RPTOR: variants seen among roughly 807,000 people sequenced by gnomAD.
The protein encoded by RPTOR is regulatory associated protein of MTOR complex 1.
Under a neutral mutation model 169.9 loss-of-function variants are expected in RPTOR, and 21 were observed. That is an observed-to-expected ratio of 0.12 (90% CI 0.09 to 0.18). The LOEUF (loss-of-function observed/expected upper bound fraction) is 0.18, where lower values mean the gene tolerates loss of function less well. RPTOR is among the 10% of genes least tolerant of loss of function. The pLI is 1.00. For missense variants in RPTOR, 1,133 were observed against 1,855.9 expected, an observed-to-expected ratio of 0.61 and a Z score of 7.16; for synonymous variants, 732 against 753.2, an observed-to-expected ratio of 0.97 and a Z score of 0.46.
At chr17:80,658,211 T>C (rs185045505) in intron 3 of RPTOR, among the ~76,000 whole-genome samples, 20 of 152,368 alleles carry the variant, frequency 1.3e-4, no homozygotes, top group Admixed American at 1.2e-3. Flanking sequence ...CACTTATTAA[T>C]GTTCTTTATT....
chr17:80,672,355 G>A (rs539944623), intron 3 of RPTOR, among the ~76,000 whole-genome samples: 102 of 141,794 alleles, frequency 7.2e-4, no homozygotes, highest in Non-Finnish European at 1.2e-3. Flanking sequence ...TTACTTTGCT[G>A]TGCAAAGGTT....
chr17:80,696,691 C>A (rs866766201), intron 3 of RPTOR, among the ~76,000 whole-genome samples: 1 of 152,202 alleles, frequency 6.6e-6, no homozygotes, highest in African/African-American at 2.4e-5. Flanking sequence ...GCTGGACTTG[C>A]AGCAGGGATG....
chr17:80,854,809 C>T (rs1247663049), intron 11 of RPTOR, among the ~76,000 whole-genome samples: 1 of 152,190 alleles, frequency 6.6e-6, no homozygotes, highest in East Asian at 1.9e-4. Context: ...GGGAGGATCA[C>T]TTGAGTCCAG....
At chr17:80,703,213 G>C (rs959753334) in intron 3 of RPTOR, among the ~76,000 whole-genome samples, 1 of 152,202 alleles carries the variant, frequency 6.6e-6, no homozygotes, top group Non-Finnish European at 1.5e-5. Context: ...CCGAAATCTC[G>C]AGTTTAGTTG....
Position 80,730,758 on chromosome 17 carries a change from T to TTTTTGCG in RPTOR, c.654+52_654+53insTTTTGCG. The stretch of plus-strand genomic sequence containing the variant: ...GTGCTGGGTTTGGTTTTGTTTTCCC[T>TTTTTGCG]GGGGGTGGGGTTTGGGTGGGGAGGT... On this transcript the variant is annotated intron_variant, in intron 5 of 33. Coordinates refer to ENST00000306801, the MANE Select transcript of RPTOR (RefSeq NM_020761.3). The surrounding 1 kb of genome is among the most constrained non-coding windows in gnomAD (Gnocchi z 4.2). 2.1e-6 allele frequency: 1 copy of TTTTTGCG among 467,246 alleles called. No individual in the cohort carries two copies. Among genetic ancestry groups the TTTTTGCG allele is most frequent in the Non-Finnish European group, 3.9e-6 (1 of 254,696 alleles). 28.9% of individuals were successfully genotyped at this position (467,246 alleles called of 1,614,324 possible). A position where few individuals can be genotyped will look rare whatever the true frequency, so the allele number is the denominator to read the frequency against.
intron 7 of RPTOR, among the ~76,000 whole-genome samples, chr17:80,809,377 G>A (rs950360868): frequency 3.3e-5 from 5 of 152,120 alleles, no homozygotes. Flanking sequence ...ATTTTTAGTA[G>A]AGATGGGGTT....
intron 1 of RPTOR, among the ~76,000 whole-genome samples, chr17:80,576,425 G>A (rs561223959): frequency 6.6e-6 from 1 of 152,300 alleles, no homozygotes; most frequent in Admixed American, 6.5e-5. Flanking sequence ...GACAACCCAA[G>A]ACTTAGGAAA....
At chr17:80,783,496 A>G (rs879935504) in intron 6 of RPTOR, among the ~76,000 whole-genome samples, 1 of 152,198 alleles carries the variant, frequency 6.6e-6, no homozygotes, top group Non-Finnish European at 1.5e-5. Context: ...AAAAACTGAC[A>G]TTTTTCTTAT....
intron 3 of RPTOR, among the ~76,000 whole-genome samples, chr17:80,701,916 T>C (rs1171800737): frequency 6.6e-6 from 1 of 152,038 alleles, no homozygotes; most frequent in Non-Finnish European, 1.5e-5. Flanking sequence ...CTCTCCTTGA[T>C]CCACACCAGC....
At chr17:80,748,199 G>A (rs1286725648) in intron 5 of RPTOR, among the ~76,000 whole-genome samples, 2 of 110,842 alleles carry the variant, frequency 1.8e-5, no homozygotes, top group Non-Finnish European at 3.5e-5. Context: ...GTGTGTGTTT[G>A]GAGGCCGTGG....
At chr17:80,764,271 C>T (rs1009046811) in intron 6 of RPTOR, among the ~76,000 whole-genome samples, 1 of 149,990 alleles carries the variant, frequency 6.7e-6, no homozygotes, top group African/African-American at 2.5e-5. Flanking sequence ...ATTAACTCGT[C>T]ATTTAGCATT....
chr17:80,717,193 C>T (rs1372880609), intron 4 of RPTOR, among the ~76,000 whole-genome samples: 1 of 152,246 alleles, frequency 6.6e-6, no homozygotes, highest in African/African-American at 2.4e-5. Flanking sequence ...GTGGCATGCA[C>T]CCCTCTCCTT....
At chr17:80,709,116 T>TATCC in intron 4 of RPTOR, 1 of 985,070 alleles carries the variant, frequency 1.0e-6, no homozygotes, top group Non-Finnish European at 1.2e-6. Flanking sequence ...GTTAGAAAGG[T>TATCC]ATCCACCCAG....
chr17:80,780,443 T>A (rs1372354067), intron 6 of RPTOR, among the ~76,000 whole-genome samples: 1 of 151,892 alleles, frequency 6.6e-6, no homozygotes, highest in Non-Finnish European at 1.5e-5. Flanking sequence ...GGATAGACGG[T>A]GGTTTGTTTC....
intron 4 of RPTOR, among the ~76,000 whole-genome samples, chr17:80,717,952 G>T (rs74002855): frequency 0.015 from 2,293 of 152,256 alleles, 66 homozygotes; most frequent in African/African-American, 0.052. Flanking sequence ...TCCACTACTC[G>T]AATACTCCCA....
At chr17:80,789,427 C>T (rs924066387) in intron 6 of RPTOR, among the ~76,000 whole-genome samples, 1 of 152,186 alleles carries the variant, frequency 6.6e-6, no homozygotes, top group Non-Finnish European at 1.5e-5. Flanking sequence ...TGTAGTTTGG[C>T]AGGACCTGAT....
chr17:80,563,214 G>T (rs1020545333), intron 1 of RPTOR, among the ~76,000 whole-genome samples: 4 of 149,558 alleles, frequency 2.7e-5, no homozygotes, highest in African/African-American at 9.8e-5. Context: ...TCCCTGAAGA[G>T]TTTTTTTTTT....
Position 80,923,656 on chromosome 17 carries a change from G to A in RPTOR, c.2791G>A (p.Asp931Asn), listed in dbSNP as rs2143981716. The change falls in exon 23 of 34, where the codon GAC becomes AAC. Residue 931 changes from aspartate to asparagine, a missense_variant. This residue lies in a region of RPTOR where 410 missense variants were observed against 623.7 expected (regional missense o/e 0.66). Transcript: ENST00000306801. ...GTTCCCCCGGACACGGAAGATGTTC[G>A]ACAAGGGCCCAGAGCAGGTACGGGA... The part of the protein sequence containing the change: ...HQFPRTRKMF[D>N]KGPEQTADDA... 3 of 1,605,306 alleles carry A rather than the reference G, an allele frequency of 1.9e-6. No individual in the cohort carries two copies. The highest frequency in any genetic ancestry group is 2.6e-6 in the Non-Finnish European group (3 of 1,174,342).
intron 1 of RPTOR, among the ~76,000 whole-genome samples, chr17:80,559,022 A>G (rs12451590): frequency 0.97 from 147,215 of 152,272 alleles, 71,181 homozygotes; most frequent in East Asian, 1. Flanking sequence ...ACCAGCATCC[A>G]CCACCAGCAG....
Sources: allele counts gnomAD v4.1 joint callset (sites outside exome capture counted in the v4.1 genomes callset), GRCh38; gene constraint gnomAD v4.1.1; regional missense constraint gnomAD v4.1.1; non-coding constraint Gnocchi (gnomAD v3.1); transcripts MANE v1.5; gene names NCBI Gene and HGNC (gene_info 2026-07-23, HGNC 2026-07-21).